Variants in GUCY1A2 observed in about 807,000 individuals in gnomAD.
GUCY1A2 encodes the protein guanylate cyclase 1 soluble subunit alpha 2.
A neutral mutation model predicts 63.5 loss-of-function variants in GUCY1A2; 27 were observed. The observed-to-expected ratio is 0.43, with a 90% CI of 0.31 to 0.59. The LOEUF (loss-of-function observed/expected upper bound fraction) is 0.59. Ranked by LOEUF, GUCY1A2 falls within the 20% of genes least tolerant of loss-of-function variation. The pLI, the probability that GUCY1A2 is intolerant of heterozygous loss-of-function variation, is 0.11. For synonymous variants in GUCY1A2, 364 were observed against 343.5 expected, an observed-to-expected ratio of 1.06 and a Z score of -0.66; for missense variants, 768 against 913.3, an observed-to-expected ratio of 0.84 and a Z score of 2.05.
At chr11:107,011,007 G>A (rs1861736141) in intron 1 of GUCY1A2, among the ~76,000 whole-genome samples, 1 of 152,176 alleles carries the variant, frequency 6.6e-6, no homozygotes, top group African/African-American at 2.4e-5. Flanking sequence ...TGGGATTACA[G>A]GCGTCAACCA....
intron 6 of GUCY1A2, among the ~76,000 whole-genome samples, chr11:106,709,301 T>TTTATATTTATA (rs1311930554): frequency 1.0e-5 from 1 of 96,272 alleles, no homozygotes; most frequent in Non-Finnish European, 1.8e-5. Flanking sequence ...ATTTATATTT[T>TTTATATTTATA]TATATTTATA....
intron 4 of GUCY1A2, among the ~76,000 whole-genome samples, chr11:106,859,542 AT>A (rs1297258884): frequency 6.6e-6 from 1 of 152,028 alleles, no homozygotes; most frequent in Admixed American, 6.6e-5. Flanking sequence ...ATGATCAAAA[AT>A]TTAAGTACTA....
intron 4 of GUCY1A2, among the ~76,000 whole-genome samples, chr11:106,847,931 C>G (rs939881222): frequency 6.6e-6 from 1 of 151,576 alleles, no homozygotes; most frequent in African/African-American, 2.4e-5. Flanking sequence ...CAGAAAATCT[C>G]TGTTTCTACA....
chr11:106,961,028 C>T (rs188999470), intron 3 of GUCY1A2, among the ~76,000 whole-genome samples: 92 of 152,192 alleles, frequency 6.0e-4, no homozygotes, highest in African/African-American at 2.0e-3. Flanking sequence ...GATGCACTGG[C>T]ATATCCTGCA....
intron 6 of GUCY1A2, among the ~76,000 whole-genome samples, chr11:106,759,323 A>G (rs2135390624): frequency 6.6e-6 from 1 of 152,312 alleles, no homozygotes; most frequent in South Asian, 2.1e-4. Context: ...ATGTCCATCA[A>G]TTCCAGAGCA....
At chr11:106,895,007 C>G (rs1390999560) in intron 4 of GUCY1A2, among the ~76,000 whole-genome samples, 3 of 152,006 alleles carry the variant, frequency 2.0e-5, no homozygotes, top group African/African-American at 7.2e-5. Context: ...AAGCCTCTAG[C>G]CAGGCTAACT....
At chr11:107,014,093 T>TC (rs1194021601) in intron 1 of GUCY1A2, among the ~76,000 whole-genome samples, 1 of 137,280 alleles carries the variant, frequency 7.3e-6, no homozygotes, top group African/African-American at 2.7e-5. Flanking sequence ...TTTTTTTTTT[T>TC]TTTTTTTTTT....
chr11:106,686,744 C>G lies in GUCY1A2; in HGVS notation c.*805G>C, dbSNP rs984164304. On this transcript the variant is annotated 3_prime_UTR_variant, in exon 8 of 8. Transcript: ENST00000526355. Reference sequence around the variant, plus strand: ...CTTTCTTTAATCTTGGTTACAGATACATCTGGTGTTAGGAAATTCCATTTC... The same window carrying G: ...CTTTCTTTAATCTTGGTTACAGATAGATCTGGTGTTAGGAAATTCCATTTC... The G allele has an allele frequency of 4.9e-6, 1 of 202,352 alleles. No homozygotes were observed. Among genetic ancestry groups the G allele is most frequent in the Admixed American group, 6.0e-5 (1 of 16,710 alleles). The allele number at this position is 202,352 out of a possible 1,614,324, so 12.5% of individuals were successfully genotyped here.
rs545159064 is a variant in GUCY1A2, at chr11:106,688,398, T to C, written c.1992-642A>G. On this transcript the variant is annotated intron_variant, in intron 7 of 7. Coordinates refer to ENST00000526355, the MANE Select transcript of GUCY1A2 (RefSeq NM_000855.3). ...ACTCTTTTTCAAAACACTAACAACA[T>C]TGGAATAAATTTATTCTTTAAACTT... Among the ~76,000 whole-genome samples, 12 of 152,272 alleles carry C rather than the reference T, an allele frequency of 7.9e-5. No individual in the cohort carries two copies. In the South Asian group the frequency reaches 2.3e-3, roughly 29 times the overall value.
At chr11:106,800,585 G>A (rs1003392584) in intron 5 of GUCY1A2, among the ~76,000 whole-genome samples, 2 of 152,126 alleles carry the variant, frequency 1.3e-5, no homozygotes, top group African/African-American at 4.8e-5. Flanking sequence ...CATGTCCTTT[G>A]TAGGGACATG....
Position 106,677,667 on chromosome 11 carries a change from T to G in GUCY1A2, c.*9882A>C, listed in dbSNP as rs1591225218. ...ATGACATTCTGTTAAATATAAATAC[T>G]GTGTTTAAAAATCTATTTATCCTTA... On this transcript the variant is annotated 3_prime_UTR_variant, in exon 8 of 8. Coordinates refer to ENST00000526355, the MANE Select transcript of GUCY1A2 (RefSeq NM_000855.3). The G allele has an allele frequency of 4.8e-6, 1 of 207,876 alleles. No individual in the cohort carries two copies. Among genetic ancestry groups the G allele is most frequent in the Non-Finnish European group, 9.8e-6 (1 of 101,842 alleles). The allele number at this position is 207,876 out of a possible 1,614,324, so 12.9% of individuals were successfully genotyped here.
At position 106,842,217 on chromosome 11, in the gene GUCY1A2, C is replaced by A. The variant is rs1859208439; in HGVS notation, c.1207-31739G>T. 1.3e-5 allele frequency among the ~76,000 whole-genome samples: 2 copies of A among 151,936 alleles called. 1 individual carries two copies. The highest frequency in any genetic ancestry group is 4.1e-4 in the South Asian group (2 of 4,830). Reference sequence around the variant, plus strand: ...GCTTTCCCTAGGTTCCATCCCTTCCCTTGCTCCATCAAGATTGACAGTGTT... The same window carrying A: ...GCTTTCCCTAGGTTCCATCCCTTCCATTGCTCCATCAAGATTGACAGTGTT... On this transcript the variant is annotated intron_variant, in intron 4 of 7. Transcript: ENST00000526355.
rs532392658 is a variant in GUCY1A2, at chr11:106,934,057, C to T, written c.1206+5403G>A. Among the ~76,000 whole-genome samples the T allele has an allele frequency of 1.1e-4, 17 of 152,118 alleles. No individual in the cohort carries two copies. The East Asian group carries it at 1.4e-3, about 12-fold the overall frequency. ...ACCTCAGCATCATGCAATATACCCA[C>T]GTAACAAACCCATACATGTACCCAC... On this transcript the variant is annotated intron_variant, in intron 4 of 7. Transcript: ENST00000526355.
At chr11:106,767,142 A>AAAT (rs879697193) in intron 6 of GUCY1A2, among the ~76,000 whole-genome samples, 4 of 152,116 alleles carry the variant, frequency 2.6e-5, no homozygotes, top group Non-Finnish European at 5.9e-5. Flanking sequence ...GGCAGGAATA[A>AAAT]AATACATGAA....
chr11:106,716,752 G>A (rs1257163828), intron 6 of GUCY1A2, among the ~76,000 whole-genome samples: 1 of 113,276 alleles, frequency 8.8e-6, no homozygotes, highest in Non-Finnish European at 1.6e-5. Flanking sequence ...CTGGGCGACA[G>A]AGCCAGACTC....
At chr11:106,962,807 A>G (rs966377583) in intron 3 of GUCY1A2, among the ~76,000 whole-genome samples, 1 of 149,736 alleles carries the variant, frequency 6.7e-6, no homozygotes, top group African/African-American at 2.4e-5. Flanking sequence ...ATATACACAT[A>G]TATGTATAAT....
intron 1 of GUCY1A2, among the ~76,000 whole-genome samples, chr11:107,015,829 T>C (rs947340065): frequency 1.3e-5 from 2 of 152,146 alleles, no homozygotes; most frequent in African/African-American, 2.4e-5. Flanking sequence ...CTGGGAAATA[T>C]TGGCAGGGAA....
chr11:106,798,345 G>A (rs1483152605), intron 5 of GUCY1A2, among the ~76,000 whole-genome samples: 3 of 152,168 alleles, frequency 2.0e-5, no homozygotes, highest in Non-Finnish European at 4.4e-5. Flanking sequence ...ACAAGGAGGA[G>A]CTGGTACCAT....
chr11:107,009,715 C>G (rs1490944016), intron 1 of GUCY1A2, among the ~76,000 whole-genome samples: 4 of 152,312 alleles, frequency 2.6e-5, no homozygotes, highest in Non-Finnish European at 4.4e-5. Flanking sequence ...GTGGGGATAA[C>G]AGCACCAATT....
Sources: gnomAD v4.1 joint callset for allele counts (sites outside exome capture counted in the v4.1 genomes callset) on GRCh38, gnomAD v4.1.1 for gene constraint, MANE v1.5 for transcripts, NCBI Gene and HGNC (gene_info 2026-07-23, HGNC 2026-07-21) for gene names.